Variants in OR8D1 observed in about 807,000 individuals in gnomAD.
OR8D1 encodes olfactory receptor family 8 subfamily D member 1.
For synonymous variants in OR8D1, 143 were observed against 147.0 expected, an observed-to-expected ratio of 0.97 and a Z score of 0.20; for missense variants, 384 against 366.8, an observed-to-expected ratio of 1.05 and a Z score of -0.38.
intron 1 of OR8D1, among the ~76,000 whole-genome samples, chr11:124,311,950 T>C (rs490740): frequency 0.27 from 41,599 of 152,052 alleles, 5,796 homozygotes; most frequent in South Asian, 0.39. Flanking sequence ...TACTCAGCAA[T>C]GAATGGAAAG....
At chr11:124,310,820 C>A (rs1035543688) in intron 2 of OR8D1, 38 bp from the exon 3 acceptor site, 12 of 1,383,296 alleles carry the variant, frequency 8.7e-6, no homozygotes, top group South Asian at 3.9e-5. Context: ...TTAACATGGA[C>A]CCTCACTGCT....
In OR8D1 at chr11:124,304,409, A is replaced by C. The variant is rs1004789977; in HGVS notation, c.*5431T>G. The C allele has an allele frequency of 3.3e-5, 5 of 151,940 alleles. No individual in the cohort carries two copies. The highest frequency in any genetic ancestry group is 1.2e-4 in the African/African-American group (5 of 41,424). The allele number at this position is 151,940 out of a possible 1,614,324, so 9.4% of individuals were successfully genotyped here. A position where few individuals can be genotyped will look rare whatever the true frequency, so the allele number is the denominator to read the frequency against. ...ATTACTAAGTGGTGTTCCATTATAC[A>C]TATATTCCATAATTTCCTTCTCCAT... is the stretch of plus-strand genomic sequence containing the variant. On this transcript the variant is annotated 3_prime_UTR_variant, in exon 3 of 3. Transcript: ENST00000641015.
Position 124,310,317 on chromosome 11 carries a change from G to T in OR8D1, c.450C>A (p.Phe150Leu). 2 of 1,613,760 alleles carry T rather than the reference G, an allele frequency of 1.2e-6. No individual in the cohort carries two copies. Among genetic ancestry groups the T allele is most frequent in the Non-Finnish European group, 1.7e-6 (2 of 1,179,918 alleles). ...VCSLLVLAAF[F>L]LGFLSALTHT... ...GAGTCAAGGCAGAGAGAAAGCCCAA[G>T]AAGAAGGCAGCCAGCACTAGCAGTG... Residue 150 changes from phenylalanine to leucine, a missense_variant, in exon 3 of 3, where the codon TTC becomes TTA. Phe to Leu is a conservative substitution (Grantham distance 22). Coordinates refer to ENST00000641015, the MANE Select transcript of OR8D1 (RefSeq NM_001002917.2).
In OR8D1 at chr11:124,307,072, T is replaced by C. The variant is rs184883870; in HGVS notation, c.*2768A>G. ...CTATGGTTCAAGTGGCAATTTTGTC[T>C]AATGCTAGAGCTTGGTATTAAGAAA... On this transcript the variant is annotated 3_prime_UTR_variant, in exon 3 of 3. Coordinates refer to ENST00000641015, the MANE Select transcript of OR8D1 (RefSeq NM_001002917.2). The C allele has an allele frequency of 1.3e-5, 2 of 152,206 alleles. No homozygotes were observed. The highest frequency in any genetic ancestry group is 6.6e-5 in the Admixed American group (1 of 15,258). 9.4% of individuals were successfully genotyped at this position (152,206 alleles called of 1,614,324 possible). A position where few individuals can be genotyped will look rare whatever the true frequency, so the allele number is the denominator to read the frequency against.
rs772393792 is a variant in OR8D1 at position 124,310,686 on chromosome 11, GA to G, written c.80del (p.Leu27ProfsTer13). 23 of 1,613,866 alleles carry G rather than the reference GA, an allele frequency of 1.4e-5. No individual in the cohort carries two copies. In the African/African-American group the frequency reaches 2.3e-4, roughly 16 times the overall value. On this transcript the variant is annotated frameshift_variant, in exon 3 of 3. Transcript: ENST00000641015. LOFTEE classifies it low-confidence loss of function (END_TRUNC). ...CATAGATTCCCAGGAACAGGAGGAAGAGGGGCAGCTGGAGCTCTGCTTGCTG... is the reference window on the plus strand; with the variant it reads ...CATAGATTCCCAGGAACAGGAGGAAGGGGGCAGCTGGAGCTCTGCTTGCTG... ...LTQQAELQLP[L>X]FLLFLGIYVV...
intron 1 of OR8D1, among the ~76,000 whole-genome samples, chr11:124,313,302 GAAAGAAAGA>G (rs1862439043): frequency 1.4e-5 from 2 of 141,530 alleles, no homozygotes; most frequent in African/African-American, 5.7e-5. Context: ...AGGAAGGAAG[GAAAGAAAGA>G]AAAGAAAGAG....
At chr11:124,312,025 G>C (rs1335326404) in intron 1 of OR8D1, among the ~76,000 whole-genome samples, 2 of 152,162 alleles carry the variant, frequency 1.3e-5, no homozygotes, top group East Asian at 3.9e-4. Flanking sequence ...TGTAACACTG[G>C]GCAAGTCATT....
In OR8D1 at chr11:124,310,167, A is replaced by G. The variant is rs749149305; in HGVS notation, c.600T>C (p.Phe200=). The G allele has an allele frequency of 3.1e-6, 5 of 1,613,594 alleles. No homozygotes were observed. In the African/African-American group the frequency reaches 5.3e-5, roughly 17 times the overall value. ...SNTHLNELLL[F]IIAGFNTLVP... ...CCAAGGTGTTAAACCCCGCAATGATAAAAAGTAGAAGCTCATTGAGGTGTG... is the reference window on the plus strand; with the variant it reads ...CCAAGGTGTTAAACCCCGCAATGATGAAAAGTAGAAGCTCATTGAGGTGTG... Residue 200 remains phenylalanine, a synonymous_variant, in exon 3 of 3, where the codon TTT becomes TTC. Coordinates refer to ENST00000641015, the MANE Select transcript of OR8D1 (RefSeq NM_001002917.2).
chr11:124,305,594 T>C lies in OR8D1; in HGVS notation c.*4246A>G, dbSNP rs967367186. On this transcript the variant is annotated 3_prime_UTR_variant, in exon 3 of 3. Coordinates refer to ENST00000641015, the MANE Select transcript of OR8D1 (RefSeq NM_001002917.2). ...GGAGTGATGCTAATATTCTATATCTTTACCTGGAGAGTCACTAAATAGATA... is the reference window on the plus strand; with the variant it reads ...GGAGTGATGCTAATATTCTATATCTCTACCTGGAGAGTCACTAAATAGATA... The C allele has an allele frequency of 6.6e-6, 1 of 151,872 alleles. No individual in the cohort carries two copies. Among genetic ancestry groups the C allele is most frequent in the African/African-American group, 2.4e-5 (1 of 41,402 alleles). 9.4% of individuals were successfully genotyped at this position (151,872 alleles called of 1,614,324 possible).
chr11:124,307,960 G>A lies in OR8D1; in HGVS notation c.*1880C>T, dbSNP rs375235206. On this transcript the variant is annotated 3_prime_UTR_variant, in exon 3 of 3. Transcript: ENST00000641015. ...TAAAAAATAAAAATAAAAATAACGG[G>A]GGAAGAGGGTCTTAGCATAAAAATA... 3 of 152,086 alleles carry A rather than the reference G, an allele frequency of 2.0e-5. No homozygotes were observed. In the South Asian group the frequency reaches 6.2e-4, roughly 32 times the overall value. 9.4% of individuals were successfully genotyped at this position (152,086 alleles called of 1,614,324 possible).
Position 124,306,748 on chromosome 11 carries a change from T to C in OR8D1, c.*3092A>G, listed in dbSNP as rs953286955. The C allele has an allele frequency of 6.6e-6, 1 of 151,992 alleles. No individual in the cohort carries two copies. The highest frequency in any genetic ancestry group is 2.4e-5 in the African/African-American group (1 of 41,406). The allele number at this position is 151,992 out of a possible 1,614,324, so 9.4% of individuals were successfully genotyped here. On this transcript the variant is annotated 3_prime_UTR_variant, in exon 3 of 3. Coordinates refer to ENST00000641015, the MANE Select transcript of OR8D1 (RefSeq NM_001002917.2). Reference sequence around the variant, plus strand: ...TTACTCTTAACTGATTGGAATCTGTTTTTCTAAATCCTAGGGTATATGTAG... The same window carrying C: ...TTACTCTTAACTGATTGGAATCTGTCTTTCTAAATCCTAGGGTATATGTAG...
chr11:124,307,330 G>A lies in OR8D1; in HGVS notation c.*2510C>T, dbSNP rs1231977893. On this transcript the variant is annotated 3_prime_UTR_variant, in exon 3 of 3. Coordinates refer to ENST00000641015, the MANE Select transcript of OR8D1 (RefSeq NM_001002917.2). ...CTTTTAACTGTAGTGATCCCAGCAG[G>A]CAGCTGTGGTTCCTGACCTCTGACA... is the stretch of plus-strand genomic sequence containing the variant. 6.6e-6 allele frequency: 1 copy of A among 152,102 alleles called. No individual in the cohort carries two copies. 9.4% of individuals were successfully genotyped at this position (152,102 alleles called of 1,614,324 possible).
chr11:124,309,626 C>A lies in OR8D1; in HGVS notation c.*214G>T. 1 of 311,704 alleles carries A rather than the reference C, an allele frequency of 3.2e-6. No homozygotes were observed. The highest frequency in any genetic ancestry group is 4.7e-5 in the Admixed American group (1 of 21,432). The allele number at this position is 311,704 out of a possible 1,614,324, so 19.3% of individuals were successfully genotyped here. A position where few individuals can be genotyped will look rare whatever the true frequency, so the allele number is the denominator to read the frequency against. On this transcript the variant is annotated 3_prime_UTR_variant, in exon 3 of 3. Transcript: ENST00000641015. ...TAAAAGAAATTAAAACTACCTAGACCTTAGTTTTCCTATCAAAAGATAAGA... is the reference window on the plus strand; with the variant it reads ...TAAAAGAAATTAAAACTACCTAGACATTAGTTTTCCTATCAAAAGATAAGA...
chr11:124,311,220 A>G (rs1311952244), intron 2 of OR8D1, among the ~76,000 whole-genome samples: 2 of 152,140 alleles, frequency 1.3e-5, no homozygotes, highest in African/African-American at 4.8e-5. Context: ...GCCTCGGAGA[A>G]TTGAAAGTGT....
rs191565139 is a variant in OR8D1 at position 124,307,061 on chromosome 11, G to A, written c.*2779C>T. 12 of 152,088 alleles carry A rather than the reference G, an allele frequency of 7.9e-5. No homozygotes were observed. Among genetic ancestry groups the A allele is most frequent in the Admixed American group, 7.9e-4 (12 of 15,254 alleles). The allele number at this position is 152,088 out of a possible 1,614,324, so 9.4% of individuals were successfully genotyped here. A position where few individuals can be genotyped will look rare whatever the true frequency, so the allele number is the denominator to read the frequency against. On this transcript the variant is annotated 3_prime_UTR_variant, in exon 3 of 3. Coordinates refer to ENST00000641015, the MANE Select transcript of OR8D1 (RefSeq NM_001002917.2). ...TCCAGCATTTTCTATGGTTCAAGTG[G>A]CAATTTTGTCTAATGCTAGAGCTTG...
chr11:124,310,284 A>G lies in OR8D1; in HGVS notation c.483T>C (p.Ser161=). ...LGFLSALTHT[S]AMMKLSFCKS... ...TGCAAAAGGACAGTTTCATCATGGC[A>G]CTTGTATGAGTCAAGGCAGAGAGAA... The change falls in exon 3 of 3, where the codon AGT becomes AGC. Residue 161 remains serine, a synonymous_variant. Coordinates refer to ENST00000641015, the MANE Select transcript of OR8D1 (RefSeq NM_001002917.2). 1.9e-6 allele frequency: 3 copies of G among 1,613,828 alleles called. No homozygotes were observed. Among genetic ancestry groups the G allele is most frequent in the Non-Finnish European group, 2.5e-6 (3 of 1,179,932 alleles).
chr11:124,304,409 A>ATT lies in OR8D1; in HGVS notation c.*5430_*5431insAA, dbSNP rs1862350245. On this transcript the variant is annotated 3_prime_UTR_variant, in exon 3 of 3. Coordinates refer to ENST00000641015, the MANE Select transcript of OR8D1 (RefSeq NM_001002917.2). ...ATTACTAAGTGGTGTTCCATTATACATATATTCCATAATTTCCTTCTCCAT... is the reference window on the plus strand; with the variant it reads ...ATTACTAAGTGGTGTTCCATTATACATTTATATTCCATAATTTCCTTCTCCAT... 1.3e-5 allele frequency: 2 copies of ATT among 151,940 alleles called. No individual in the cohort carries two copies. Among genetic ancestry groups the ATT allele is most frequent in the African/African-American group, 2.4e-5 (1 of 41,424 alleles). 9.4% of individuals were successfully genotyped at this position (151,940 alleles called of 1,614,324 possible). A position where few individuals can be genotyped will look rare whatever the true frequency, so the allele number is the denominator to read the frequency against.
At chr11:124,312,502 TTTTC>T (rs1245151714) in intron 1 of OR8D1, among the ~76,000 whole-genome samples, 7 of 149,984 alleles carry the variant, frequency 4.7e-5, no homozygotes, top group South Asian at 4.2e-4. Flanking sequence ...CTCAGAACAT[TTTTC>T]TTTCTTTCTT....
rs11219579 is a variant in OR8D1 at position 124,306,705 on chromosome 11, A to T, written c.*3135T>A. ...TTTCTTGATTCTACTTTTCTCTAAA[A>T]TAGCCTTGCCATTTTTTTTACTCTT... On this transcript the variant is annotated 3_prime_UTR_variant, in exon 3 of 3. Coordinates refer to ENST00000641015, the MANE Select transcript of OR8D1 (RefSeq NM_001002917.2). 1 of 150,012 alleles carries T rather than the reference A, an allele frequency of 6.7e-6. No individual in the cohort carries two copies. Among genetic ancestry groups the T allele is most frequent in the Non-Finnish European group, 1.5e-5 (1 of 67,934 alleles). 9.3% of individuals were successfully genotyped at this position (150,012 alleles called of 1,614,324 possible).
Sources: allele counts gnomAD v4.1 joint callset (sites outside exome capture counted in the v4.1 genomes callset), GRCh38; gene constraint gnomAD v4.1.1; transcripts MANE v1.5; gene names NCBI Gene and HGNC (gene_info 2026-07-23, HGNC 2026-07-21).